KLHDC1: variants seen among roughly 807,000 people sequenced by gnomAD.
The protein encoded by KLHDC1 is kelch domain-containing protein 1.
Under a neutral mutation model 68.3 loss-of-function variants are expected in KLHDC1, and 53 were observed. The observed-to-expected ratio is 0.78, with a 90% confidence interval of 0.62 to 0.98. KLHDC1 has a LOEUF of 0.98. Ranked by LOEUF, KLHDC1 falls within the 50% of genes least tolerant of loss-of-function variation. KLHDC1 has a pLI of 0.00. For missense variants in KLHDC1, 470 were observed against 492.3 expected (o/e 0.95, Z 0.43); for synonymous variants, 148 against 159.0 (o/e 0.93, Z 0.52).
chr14:49,698,643 G>A (rs970909308), intron 1 of KLHDC1, among the ~76,000 whole-genome samples: 3 of 151,846 alleles, frequency 2.0e-5, no homozygotes, highest in East Asian at 3.9e-4. Context: ...AGCCTCCCAA[G>A]AAGCTGGGAT....
Position 49,712,978 on chromosome 14 carries a change from C to G in KLHDC1, c.404+2597C>G, listed in dbSNP as rs1435318665. Among the ~76,000 whole-genome samples, 4 of 132,334 alleles carry G rather than the reference C, an allele frequency of 3.0e-5. No individual in the cohort carries two copies. The East Asian group carries it at 9.1e-4, about 30-fold the overall frequency. 86.8% of individuals were successfully genotyped at this position (132,334 alleles called of 152,430 possible). On this transcript the variant is annotated intron_variant, in intron 4 of 12. Coordinates refer to ENST00000359332, the MANE Select transcript of KLHDC1 (RefSeq NM_172193.3). ...TTTTTTTTTTTTTTTGAAATGGAGT[C>G]CTGCTCTGTCACCCAGCCTGGAATG... is the stretch of plus-strand genomic sequence containing the variant.
chr14:49,738,672 A>T (rs1888990334), intron 10 of KLHDC1, among the ~76,000 whole-genome samples: 3 of 152,096 alleles, frequency 2.0e-5, no homozygotes, highest in South Asian at 4.1e-4. Flanking sequence ...GTTAATCACA[A>T]GTTTTTGAGC....
At chr14:49,737,938 T>C (rs1484412096) in intron 10 of KLHDC1, among the ~76,000 whole-genome samples, 1 of 151,518 alleles carries the variant, frequency 6.6e-6, no homozygotes, top group Non-Finnish European at 1.5e-5. Context: ...TAAAAATCCC[T>C]AATTTACCCT....
chr14:49,732,085 A>G (rs1283631026), intron 8 of KLHDC1, among the ~76,000 whole-genome samples: 1 of 152,200 alleles, frequency 6.6e-6, no homozygotes, highest in Non-Finnish European at 1.5e-5. Flanking sequence ...TACAGACATG[A>G]AAAAAATTGT....
In KLHDC1 at chr14:49,729,049, G is replaced by C. The variant is rs778274817; in HGVS notation, c.651+40G>C. Reference sequence around the variant, plus strand: ...TGGAAATGGTATTTTTATGTGCAATGCTCCTTATAAAAATTTATCCTCTGA... The same window carrying C: ...TGGAAATGGTATTTTTATGTGCAATCCTCCTTATAAAAATTTATCCTCTGA... On this transcript the variant is annotated intron_variant, in intron 7 of 12. Transcript: ENST00000359332. The C allele has an allele frequency of 4.6e-6, 6 of 1,315,320 alleles. No homozygotes were observed. In the Admixed American group the frequency reaches 1.1e-4, roughly 24 times the overall value. 81.5% of individuals were successfully genotyped at this position (1,315,320 alleles called of 1,614,324 possible).
chr14:49,709,592 A>G, intron 2 of KLHDC1, 117 bp from the exon 3 acceptor site: 1 of 533,370 alleles, frequency 1.9e-6, no homozygotes, highest in Non-Finnish European at 3.3e-6. Flanking sequence ...CCACCATTAC[A>G]TTGTAACTGT....
rs1019535799 is a variant in KLHDC1, at chr14:49,698,887, C to T, written c.96+5597C>T. Among the ~76,000 whole-genome samples the T allele has an allele frequency of 9.9e-5, 15 of 151,618 alleles. 1 individual carries two copies. The highest frequency in any genetic ancestry group is 3.4e-4 in the African/African-American group (14 of 41,302). On this transcript the variant is annotated intron_variant, in intron 1 of 12. Transcript: ENST00000359332. ...TAATTGATAAGATCATACTTCTTGA[C>T]GAGCGTGGTGGCTCACGCCTGTAAT...
chr14:49,720,901 G>A (rs771943915), intron 4 of KLHDC1, among the ~76,000 whole-genome samples: 3 of 151,970 alleles, frequency 2.0e-5, no homozygotes, highest in Admixed American at 2.0e-4. Context: ...TTTAAAGTTT[G>A]CTGTTTAACC....
At chr14:49,728,292 A>T (rs1387326018) in intron 6 of KLHDC1, among the ~76,000 whole-genome samples, 2 of 152,230 alleles carry the variant, frequency 1.3e-5, no homozygotes, top group Non-Finnish European at 2.9e-5. Context: ...CATTGCACTC[A>T]AGCCTTGGCA....
chr14:49,742,615 G>A (rs1298694431), intron 11 of KLHDC1, among the ~76,000 whole-genome samples: 1 of 150,986 alleles, frequency 6.6e-6, no homozygotes, highest in African/African-American at 2.4e-5. Flanking sequence ...AGAGGTTGCG[G>A]TGAGCCGAGA....
At chr14:49,741,548 C>T (rs531370296) in intron 11 of KLHDC1, among the ~76,000 whole-genome samples, 29 of 152,116 alleles carry the variant, frequency 1.9e-4, no homozygotes, top group African/African-American at 5.5e-4. Context: ...CTCAAGTGAT[C>T]CACTCACCTC....
chr14:49,711,426 A>T (rs1353352361), intron 4 of KLHDC1, among the ~76,000 whole-genome samples: 3 of 151,972 alleles, frequency 2.0e-5, no homozygotes, highest in African/African-American at 7.2e-5. Flanking sequence ...GATAATCTCG[A>T]TCTCCTGTGC....
chr14:49,742,939 G>A (rs1279616826), intron 11 of KLHDC1, among the ~76,000 whole-genome samples: 1 of 151,634 alleles, frequency 6.6e-6, no homozygotes, highest in Non-Finnish European at 1.5e-5. Flanking sequence ...GGACGTGGTA[G>A]CCTGTTCCTG....
intron 1 of KLHDC1, among the ~76,000 whole-genome samples, chr14:49,693,952 A>G (rs1417335638): frequency 6.6e-6 from 1 of 151,288 alleles, no homozygotes; most frequent in African/African-American, 2.4e-5. Flanking sequence ...AGGGTTTCCC[A>G]TGTTGGTCAG....
At chr14:49,706,837 T>A (rs996541641) in intron 1 of KLHDC1, among the ~76,000 whole-genome samples, 2 of 152,236 alleles carry the variant, frequency 1.3e-5, no homozygotes, top group African/African-American at 4.8e-5. Context: ...TTGTTAGATT[T>A]TTTTCCTGTA....
At chr14:49,733,060 A>G (rs1026857226) in intron 9 of KLHDC1, among the ~76,000 whole-genome samples, 1 of 152,220 alleles carries the variant, frequency 6.6e-6, no homozygotes, top group Non-Finnish European at 1.5e-5. Context: ...AAGCCCCTTT[A>G]TACTACTATA....
chr14:49,718,467 GA>G (rs1027216732), intron 4 of KLHDC1, among the ~76,000 whole-genome samples: 5 of 151,980 alleles, frequency 3.3e-5, no homozygotes, highest in Non-Finnish European at 4.4e-5. Flanking sequence ...TACTTTTAGA[GA>G]CAAGGTTTCA....
chr14:49,712,186 G>A (rs1030453624), intron 4 of KLHDC1, among the ~76,000 whole-genome samples: 4 of 151,962 alleles, frequency 2.6e-5, no homozygotes, highest in Non-Finnish European at 5.9e-5. Flanking sequence ...CCAACGTGCT[G>A]GGATTACAGG....
At chr14:49,711,182 A>G (rs995733956) in intron 4 of KLHDC1, among the ~76,000 whole-genome samples, 1 of 149,474 alleles carries the variant, frequency 6.7e-6, no homozygotes, top group African/African-American at 2.5e-5. Context: ...TACTTTATTT[A>G]TTTATTTATT....
Sources: gnomAD v4.1 joint callset for allele counts (sites outside exome capture counted in the v4.1 genomes callset) on GRCh38, gnomAD v4.1.1 for gene constraint, MANE v1.5 for transcripts, NCBI Gene and HGNC (gene_info 2026-07-23, HGNC 2026-07-21) for gene names.